ZNF695: variants seen among roughly 807,000 people sequenced by gnomAD.
ZNF695 encodes zinc finger protein SBZF3.
A neutral mutation model predicts 11.2 loss-of-function variants in ZNF695; 11 were observed. The ratio of observed to expected loss-of-function variants is 0.98; its 90% CI spans 0.62 to 1.62. ZNF695 has a LOEUF of 1.62. ZNF695 is among the 40% of genes most tolerant of loss of function. The pLI, the probability that ZNF695 is intolerant of heterozygous loss-of-function variation, is 0.00. For synonymous variants in ZNF695, 190 were observed against 201.4 expected, an observed-to-expected ratio of 0.94 and a Z score of 0.48; for missense variants, 559 against 590.5, an observed-to-expected ratio of 0.95 and a Z score of 0.55.
At chr1:246,988,374 T>A in intron 3 of ZNF695, 119 bp from the exon 4 acceptor site, 2 of 704,888 alleles carry the variant, frequency 2.8e-6, no homozygotes, top group African/African-American at 3.6e-5. Context: ...CACAGGCCCT[T>A]ATTCCTTCAT....
chr1:247,006,431 T>C (rs1215809713), intron 1 of ZNF695, among the ~76,000 whole-genome samples: 1 of 151,946 alleles, frequency 6.6e-6, no homozygotes, highest in Non-Finnish European at 1.5e-5. Context: ...GCCAACATAA[T>C]GAAACCCCAT....
chr1:246,986,969 A>C lies in ZNF695; in HGVS notation c.1546T>G (p.Ter516GlyextTer59). The change falls in exon 4 of 4, where the codon TGA becomes GGA. Residue 516 changes from the stop codon to glycine (G), a stop_lost. Transcript: ENST00000339986. Reference protein sequence around the residue: ...QLAVHEKTHT* With the variant: ...QLAVHEKTHTG ...TGTTTAGAATTGTAGGGTTTTTCTCAGGTATGAGTTTTCTCATGTACAGCA... is the reference window on the plus strand; with the variant it reads ...TGTTTAGAATTGTAGGGTTTTTCTCCGGTATGAGTTTTCTCATGTACAGCA... The C allele has an allele frequency of 6.4e-7, 1 of 1,561,718 alleles. No homozygotes were observed. The highest frequency in any genetic ancestry group is 8.6e-7 in the Non-Finnish European group (1 of 1,159,794).
intron 4 of ZNF695, chr1:246,968,939 C>G (rs2103010606): frequency 6.6e-6 from 1 of 152,376 alleles, no homozygotes; most frequent in South Asian, 2.1e-4. Flanking sequence ...TTTTTCCCTC[C>G]TAGGCCTCCA....
intron 1 of ZNF695, among the ~76,000 whole-genome samples, chr1:247,005,222 T>C (rs573044692): frequency 6.6e-6 from 1 of 152,250 alleles, no homozygotes; most frequent in South Asian, 2.1e-4. Flanking sequence ...AGCATGGTAC[T>C]AGCATAAAAC....
At chr1:246,979,301 G>C (rs1180732574) in intron 4 of ZNF695, among the ~76,000 whole-genome samples, 1 of 152,136 alleles carries the variant, frequency 6.6e-6, no homozygotes, top group Non-Finnish European at 1.5e-5. Context: ...GGAGAAGACG[G>C]TGGTGGTGAC....
chr1:246,947,695 A>G (rs1383499162), intron 5 of ZNF695, among the ~76,000 whole-genome samples: 1 of 152,126 alleles, frequency 6.6e-6, no homozygotes, highest in Non-Finnish European at 1.5e-5. Flanking sequence ...AATCCCACGG[A>G]TGGATAATTC....
intron 5 of ZNF695, among the ~76,000 whole-genome samples, chr1:246,948,002 A>G (rs1052798786): frequency 6.6e-6 from 1 of 152,156 alleles, no homozygotes; most frequent in African/African-American, 2.4e-5. Flanking sequence ...ATTGGGAAAG[A>G]GCACAGTTTG....
At chr1:246,970,919 G>A (rs1269524916) in intron 4 of ZNF695, among the ~76,000 whole-genome samples, 4 of 152,160 alleles carry the variant, frequency 2.6e-5, no homozygotes, top group Non-Finnish European at 5.9e-5. Context: ...GGCATGCGCT[G>A]TAGGGTCCAG....
intron 4 of ZNF695, among the ~76,000 whole-genome samples, chr1:246,973,755 T>TA (rs1218843519): frequency 6.6e-6 from 1 of 152,224 alleles, no homozygotes; most frequent in Non-Finnish European, 1.5e-5. Flanking sequence ...TCAGAGGGGT[T>TA]AAAAACATAT....
intron 3 of ZNF695, among the ~76,000 whole-genome samples, chr1:246,996,596 T>A (rs1389410146): frequency 2.0e-5 from 3 of 152,202 alleles, no homozygotes; most frequent in Non-Finnish European, 4.4e-5. Context: ...GGAAATCTGG[T>A]AAAATCTACA....
intron 5 of ZNF695, among the ~76,000 whole-genome samples, chr1:246,956,137 G>A (rs1315975524): frequency 1.3e-5 from 2 of 151,400 alleles, no homozygotes; most frequent in Non-Finnish European, 2.9e-5. Context: ...ACAGGCTTCG[G>A]CCACCAGTCC....
chr1:246,982,844 A>T (rs1358743424), downstream of ZNF695, among the ~76,000 whole-genome samples: 1 of 152,088 alleles, frequency 6.6e-6, no homozygotes, highest in East Asian at 1.9e-4. Context: ...TACATATTTT[A>T]TGTCAGCTAT....
At chr1:246,954,182 G>A (rs748471607) in intron 5 of ZNF695, among the ~76,000 whole-genome samples, 1 of 152,086 alleles carries the variant, frequency 6.6e-6, no homozygotes, top group Non-Finnish European at 1.5e-5. Context: ...TGCCAATCAG[G>A]CCAACCTTAA....
In ZNF695 at chr1:246,986,159, T is replaced by A. The variant is rs1049526305; in HGVS notation, c.*808A>T. 1.6e-6 allele frequency: 1 copy of A among 624,200 alleles called. No homozygotes were observed. Among genetic ancestry groups the A allele is most frequent in the Non-Finnish European group, 2.0e-6 (1 of 500,362 alleles). 38.7% of individuals were successfully genotyped at this position (624,200 alleles called of 1,614,324 possible). ...ATAGCAGCTCACTGCATCCTCAACCTCCAGGCTCAAGCAATCCTCCCACCT... is the reference window on the plus strand; with the variant it reads ...ATAGCAGCTCACTGCATCCTCAACCACCAGGCTCAAGCAATCCTCCCACCT... On this transcript the variant is annotated 3_prime_UTR_variant, in exon 4 of 4. Coordinates refer to ENST00000339986, the MANE Select transcript of ZNF695 (RefSeq NM_020394.5).
chr1:246,957,440 G>A (rs184145484), intron 5 of ZNF695, among the ~76,000 whole-genome samples: 9 of 151,556 alleles, frequency 5.9e-5, no homozygotes, highest in East Asian at 5.8e-4. Flanking sequence ...GCAGAAAATC[G>A]TATGTCTGAC....
chr1:246,998,977 AATATATAT>A (rs6143721), intron 3 of ZNF695, among the ~76,000 whole-genome samples: 2,284 of 144,228 alleles, frequency 0.016, 19 homozygotes, highest in Middle Eastern at 0.032. Flanking sequence ...CAAGAAAACA[AATATATAT>A]ATATATATAT....
intron 3 of ZNF695, among the ~76,000 whole-genome samples, chr1:246,992,920 A>G (rs1669082748): frequency 6.6e-6 from 1 of 152,208 alleles, no homozygotes; most frequent in South Asian, 2.1e-4. Flanking sequence ...TGGGGGCTTG[A>G]AAAAGACTGG....
intron 5 of ZNF695, among the ~76,000 whole-genome samples, chr1:246,958,758 G>C (rs1003166833): frequency 6.6e-6 from 1 of 152,136 alleles, no homozygotes; most frequent in Non-Finnish European, 1.5e-5. Flanking sequence ...ACGATGTAAC[G>C]CATGATTGTT....
At chr1:246,992,066 A>C (rs1669055743) in intron 3 of ZNF695, among the ~76,000 whole-genome samples, 1 of 152,074 alleles carries the variant, frequency 6.6e-6, no homozygotes, top group African/African-American at 2.4e-5. Flanking sequence ...CGGGAGGCTG[A>C]GACGGGAGAA....
Sources: allele counts gnomAD v4.1 joint callset (sites outside exome capture counted in the v4.1 genomes callset), GRCh38; gene constraint gnomAD v4.1.1; transcripts MANE v1.5; gene names NCBI Gene and HGNC (gene_info 2026-07-23, HGNC 2026-07-21).